Variants in PDGFD observed in about 807,000 individuals in gnomAD.
The protein encoded by PDGFD is platelet-derived growth factor D.
In PDGFD, 30 loss-of-function variants were observed where a neutral mutation model predicts 44.7. That is an observed-to-expected ratio of 0.67 (90% CI 0.50 to 0.91). The LOEUF (loss-of-function observed/expected upper bound fraction) is 0.91. Ranked by LOEUF, PDGFD falls within the 40% of genes least tolerant of loss-of-function variation. PDGFD has a pLI of 0.00. For synonymous variants in PDGFD, 173 were observed against 168.4 expected (o/e 1.03, Z -0.21); for missense variants, 445 against 457.8 (o/e 0.97, Z 0.25).
At chr11:103,944,296 GT>G (rs764090513) in intron 4 of PDGFD, among the ~76,000 whole-genome samples, 1 of 152,120 alleles carries the variant, frequency 6.6e-6, no homozygotes, top group Non-Finnish European at 1.5e-5. Context: ...AGTGATCCCA[GT>G]TGCCATTAAA....
At chr11:104,081,778 A>T (rs762360705) in intron 1 of PDGFD, among the ~76,000 whole-genome samples, 6 of 152,284 alleles carry the variant, frequency 3.9e-5, no homozygotes, top group Middle Eastern at 3.4e-3. Context: ...ACAATAATTC[A>T]AAACCACGTT....
At chr11:104,018,228 T>C (rs1306156035) in intron 1 of PDGFD, among the ~76,000 whole-genome samples, 2 of 152,034 alleles carry the variant, frequency 1.3e-5, no homozygotes, top group Non-Finnish European at 2.9e-5. Context: ...CTGAATCTAA[T>C]GAGAAGTAAT....
At chr11:103,918,973 A>G (rs186031793) in intron 6 of PDGFD, among the ~76,000 whole-genome samples, 291 of 152,326 alleles carry the variant, frequency 1.9e-3, no homozygotes, top group Non-Finnish European at 2.8e-3. Context: ...GTTAATAGGT[A>G]CCCTCACACA....
rs1476145465 is a variant in PDGFD, at chr11:104,110,037, A to G, written c.124+53767T>C. ...TTAGAAAAAAAATCTCAGGAATATT[A>G]TAAGTGTTAGCTATCAATTTAATTA... On this transcript the variant is annotated intron_variant, in intron 1 of 6. Coordinates refer to ENST00000393158, the MANE Select transcript of PDGFD (RefSeq NM_025208.5). Among the ~76,000 whole-genome samples the G allele has an allele frequency of 4.6e-5, 7 of 152,194 alleles. 1 individual carries two copies. The highest frequency in any genetic ancestry group is 4.6e-4 in the Admixed American group (7 of 15,250).
chr11:103,948,588 A>T (rs375085419), intron 3 of PDGFD, among the ~76,000 whole-genome samples: 9 of 152,182 alleles, frequency 5.9e-5, no homozygotes, highest in Admixed American at 3.9e-4. Context: ...GCTAAAATAA[A>T]TCACTTTAGC....
chr11:104,086,794 G>A (rs1473323237), intron 1 of PDGFD, among the ~76,000 whole-genome samples: 1 of 152,172 alleles, frequency 6.6e-6, no homozygotes. Context: ...TTTAAACTCT[G>A]ATGTAAATAG....
chr11:104,082,462 T>C (rs933475425), intron 1 of PDGFD, among the ~76,000 whole-genome samples: 7 of 152,030 alleles, frequency 4.6e-5, no homozygotes, highest in African/African-American at 1.7e-4. Context: ...ATATAGGTTA[T>C]AGTCATGATT....
intron 1 of PDGFD, among the ~76,000 whole-genome samples, chr11:104,111,314 T>C (rs2134452963): frequency 6.7e-6 from 1 of 149,100 alleles, no homozygotes; most frequent in Middle Eastern, 3.4e-3. Context: ...GGCTAGGGTG[T>C]TGTGGGTGTG....
At chr11:104,037,743 T>G (rs762511800) in intron 1 of PDGFD, 2 of 1,614,138 alleles carry the variant, frequency 1.2e-6, no homozygotes, top group Non-Finnish European at 1.7e-6. Context: ...TAGCTCAGAT[T>G]CAAATTGAAG....
intron 1 of PDGFD, among the ~76,000 whole-genome samples, chr11:104,117,760 C>T (rs190099311): frequency 6.6e-6 from 1 of 152,070 alleles, no homozygotes; most frequent in Admixed American, 6.6e-5. Flanking sequence ...AAACACATCC[C>T]ATGTTCATGG....
rs1172658096 is a variant in PDGFD, at chr11:103,970,724, A to T, written c.511-23000T>A. 1.3e-5 allele frequency among the ~76,000 whole-genome samples: 2 copies of T among 152,148 alleles called. 1 individual carries two copies. On this transcript the variant is annotated intron_variant, in intron 3 of 6. Coordinates refer to ENST00000393158, the MANE Select transcript of PDGFD (RefSeq NM_025208.5). ...AGTGACTTAGGGGTATATGACACAAATTTCCAAGAATTCAAAATGCATCGC... is the reference window on the plus strand; with the variant it reads ...AGTGACTTAGGGGTATATGACACAATTTTCCAAGAATTCAAAATGCATCGC...
chr11:104,089,440 A>G (rs912211365), intron 1 of PDGFD, among the ~76,000 whole-genome samples: 2 of 152,216 alleles, frequency 1.3e-5, no homozygotes, highest in African/African-American at 4.8e-5. Flanking sequence ...TGCTATTTAC[A>G]AAGGATTACA....
chr11:104,101,236 T>C (rs987114338), intron 1 of PDGFD, among the ~76,000 whole-genome samples: 2 of 152,248 alleles, frequency 1.3e-5, no homozygotes, highest in Non-Finnish European at 2.9e-5. Flanking sequence ...CTCAAGCTGA[T>C]AGGCAACCTC....
At chr11:104,108,452 G>A (rs1861500575) in intron 1 of PDGFD, among the ~76,000 whole-genome samples, 1 of 152,118 alleles carries the variant, frequency 6.6e-6, no homozygotes, top group South Asian at 2.1e-4. Flanking sequence ...ATGAAAAAAT[G>A]CTCATCATCA....
At chr11:104,118,852 A>C (rs1447721431) in intron 1 of PDGFD, among the ~76,000 whole-genome samples, 1 of 29,406 alleles carries the variant, frequency 3.4e-5, no homozygotes, top group East Asian at 9.1e-4. Context: ...TATATTATAT[A>C]TTATAATATA....
At chr11:104,115,085 G>C (rs1164325653) in intron 1 of PDGFD, among the ~76,000 whole-genome samples, 1 of 151,436 alleles carries the variant, frequency 6.6e-6, no homozygotes, top group Non-Finnish European at 1.5e-5. Flanking sequence ...AGTCCACTGT[G>C]TCATTCTTAT....
At chr11:104,113,195 C>T (rs1861586216) in intron 1 of PDGFD, among the ~76,000 whole-genome samples, 1 of 152,034 alleles carries the variant, frequency 6.6e-6, no homozygotes, top group African/African-American at 2.4e-5. Flanking sequence ...CTAGAAGGTA[C>T]TATCAATTCA....
intron 1 of PDGFD, among the ~76,000 whole-genome samples, chr11:104,127,817 C>G (rs901142948): frequency 6.6e-6 from 1 of 152,160 alleles, no homozygotes. Flanking sequence ...CAGGGCATCT[C>G]TGAGAACATC....
intron 1 of PDGFD, among the ~76,000 whole-genome samples, chr11:104,134,538 G>T (rs560015086): frequency 1.4e-4 from 21 of 152,250 alleles, no homozygotes; most frequent in African/African-American, 4.8e-4. Context: ...TCAGATGGTG[G>T]TACCCAGTCC....
Sources: gnomAD v4.1 joint callset for allele counts (sites outside exome capture counted in the v4.1 genomes callset) on GRCh38, gnomAD v4.1.1 for gene constraint, MANE v1.5 for transcripts, NCBI Gene and HGNC (gene_info 2026-07-23, HGNC 2026-07-21) for gene names.